DGLUCY: variants seen among roughly 807,000 people sequenced by gnomAD.
DGLUCY encodes D-glutamate cyclase, mitochondrial.
In DGLUCY, 58 loss-of-function variants were observed where a neutral mutation model predicts 58.5. The ratio of observed to expected loss-of-function variants is 0.99; its 90% CI spans 0.80 to 1.23. The LOEUF is 1.23. Among genes scored for constraint, DGLUCY ranks in the 50% most tolerant of loss-of-function variants. The pLI is 0.00. For missense variants in DGLUCY, 779 were observed against 784.7 expected (o/e 0.99, Z 0.09); for synonymous variants, 325 against 314.1 (o/e 1.03, Z -0.37).
chr14:91,144,531 G>A (rs567372089), intron 1 of DGLUCY, among the ~76,000 whole-genome samples: 85 of 152,280 alleles, frequency 5.6e-4, no homozygotes, highest in African/African-American at 1.9e-3. Context: ...CTGCACTCCA[G>A]CCTTAGCAAC....
intron 9 of DGLUCY, among the ~76,000 whole-genome samples, chr14:91,195,670 G>GTTTTTTT (rs1207157314): frequency 1.3e-4 from 16 of 120,658 alleles, no homozygotes; most frequent in Admixed American, 2.6e-4. Flanking sequence ...TTTGGGTTTT[G>GTTTTTTT]TTTTTTTTTT....
chr14:91,197,052 C>T (rs1252409675), intron 10 of DGLUCY, among the ~76,000 whole-genome samples: 8 of 152,084 alleles, frequency 5.3e-5, no homozygotes, highest in African/African-American at 1.7e-4. Flanking sequence ...CTACAACCTC[C>T]GCCTCCCAGG....
At chr14:91,163,024 G>A (rs569753098) in intron 3 of DGLUCY, among the ~76,000 whole-genome samples, 3 of 152,198 alleles carry the variant, frequency 2.0e-5, no homozygotes, top group Admixed American at 6.5e-5. Context: ...TTGGGAGGCC[G>A]AGGCCAGCGG....
At chr14:91,149,315 A>G (rs778384460) in intron 1 of DGLUCY, among the ~76,000 whole-genome samples, 12 of 152,100 alleles carry the variant, frequency 7.9e-5, no homozygotes, top group Non-Finnish European at 1.6e-4. Context: ...ATACTTTGCT[A>G]TTAGTTCAGC....
At chr14:91,136,751 C>T (rs1249265294) in intron 1 of DGLUCY, among the ~76,000 whole-genome samples, 3 of 150,032 alleles carry the variant, frequency 2.0e-5, no homozygotes, top group African/African-American at 7.4e-5. Context: ...GGTGGATTAC[C>T]TGAAGTCAGG....
At chr14:91,186,203 G>A (rs1423363695) in intron 8 of DGLUCY, among the ~76,000 whole-genome samples, 1 of 152,062 alleles carries the variant, frequency 6.6e-6, no homozygotes, top group East Asian at 1.9e-4. Flanking sequence ...TAGGAAGTAG[G>A]TTACATCCCA....
chr14:91,190,813 G>C (rs143452887), intron 9 of DGLUCY, among the ~76,000 whole-genome samples: 79 of 152,290 alleles, frequency 5.2e-4, no homozygotes, highest in African/African-American at 1.8e-3. Flanking sequence ...GGGTGAGATG[G>C]GGAGCCTGGG....
chr14:91,160,293 C>G lies in DGLUCY; in HGVS notation c.-2C>G, dbSNP rs140356090. 1 of 1,609,312 alleles carries G rather than the reference C, an allele frequency of 6.2e-7. No homozygotes were observed. The highest frequency in any genetic ancestry group is 1.3e-5 in the African/African-American group (1 of 74,708). On this transcript the variant is annotated 5_prime_UTR_variant, in exon 3 of 14. Coordinates refer to ENST00000256324, the MANE Select transcript of DGLUCY (RefSeq NM_001102368.3). ...TCTCTGCTACTTATTCAAGTTGACA[C>G]GATGCCCTTCACACTCCACCTGAGG...
At chr14:91,144,755 A>G (rs1248226788) in intron 1 of DGLUCY, among the ~76,000 whole-genome samples, 3 of 152,240 alleles carry the variant, frequency 2.0e-5, no homozygotes, top group African/African-American at 7.2e-5. Flanking sequence ...AGACAGCCAC[A>G]AAGATCACAA....
Position 91,204,676 on chromosome 14 carries a change from G to A in DGLUCY, c.1445-30G>A, listed in dbSNP as rs375317294. 1.6e-5 allele frequency: 25 copies of A among 1,610,462 alleles called. No individual in the cohort carries two copies. The African/African-American group carries it at 1.6e-4, about 10-fold the overall frequency. ...GCCTCCCCCATTTTGCCCTGGTCCC[G>A]TGCACTGACTCAGCTCCCCTTCCCT... On this transcript the variant is annotated intron_variant, in intron 11 of 13. Transcript: ENST00000256324.
At chr14:91,154,537 A>G (rs2047506173) in intron 1 of DGLUCY, among the ~76,000 whole-genome samples, 1 of 152,230 alleles carries the variant, frequency 6.6e-6, no homozygotes, top group Non-Finnish European at 1.5e-5. Flanking sequence ...GAAGCCCACA[A>G]GGAATTCATC....
chr14:91,110,662 C>T (rs1161479543), upstream of DGLUCY, among the ~76,000 whole-genome samples: 1 of 152,074 alleles, frequency 6.6e-6, no homozygotes, highest in East Asian at 1.9e-4. Flanking sequence ...AACTCCTGAT[C>T]TGACCTCAAG....
At chr14:91,121,498 G>A (rs2045356202) in intron 1 of DGLUCY, among the ~76,000 whole-genome samples, 1 of 152,050 alleles carries the variant, frequency 6.6e-6, no homozygotes, top group Non-Finnish European at 1.5e-5. Flanking sequence ...AGACCAGCCT[G>A]GCCAACATGG....
chr14:91,213,001 TAAA>T (rs59133029), intron 12 of DGLUCY, among the ~76,000 whole-genome samples: 7 of 135,988 alleles, frequency 5.1e-5, no homozygotes, highest in Admixed American at 3.0e-4. Context: ...ACTCCGTCTC[TAAA>T]AAAAAAAAAA....
upstream of DGLUCY, among the ~76,000 whole-genome samples, chr14:91,110,547 C>T (rs534169589): frequency 2.0e-5 from 3 of 151,162 alleles, no homozygotes; most frequent in South Asian, 6.3e-4. Context: ...TCTCATGCCT[C>T]AGCCTCCCTG....
At chr14:91,197,018 G>A (rs2050261832) in intron 10 of DGLUCY, among the ~76,000 whole-genome samples, 1 of 152,146 alleles carries the variant, frequency 6.6e-6, no homozygotes, top group African/African-American at 2.4e-5. Flanking sequence ...CTAGGCTGGG[G>A]TGCAGTGGCG....
At chr14:91,106,294 A>T (rs2044587533), upstream of DGLUCY, among the ~76,000 whole-genome samples, 2 of 150,540 alleles carry the variant, frequency 1.3e-5, no homozygotes, top group Admixed American at 1.3e-4. Flanking sequence ...GCAACAAGAG[A>T]GAAACTCCAT....
At chr14:91,145,832 C>T (rs1310187430) in intron 1 of DGLUCY, among the ~76,000 whole-genome samples, 2 of 152,092 alleles carry the variant, frequency 1.3e-5, no homozygotes, top group African/African-American at 4.8e-5. Flanking sequence ...AGGGGCTTGT[C>T]CCTGTAAGGT....
intron 13 of DGLUCY, among the ~76,000 whole-genome samples, chr14:91,220,014 C>A (rs1280892128): frequency 1.3e-5 from 2 of 152,248 alleles, no homozygotes; most frequent in Non-Finnish European, 2.9e-5. Context: ...CAGACAGCAG[C>A]CAGCCAGGCC....
Sources: allele counts gnomAD v4.1 joint callset (sites outside exome capture counted in the v4.1 genomes callset), GRCh38; gene constraint gnomAD v4.1.1; transcripts MANE v1.5; gene names NCBI Gene and HGNC (gene_info 2026-07-23, HGNC 2026-07-21).